Variants in RCOR1 observed in about 807,000 individuals in gnomAD.
RCOR1 encodes the protein REST corepressor 1.
RCOR1 carries 12 observed loss-of-function variants against 64.0 expected under a neutral mutation model. That is an observed-to-expected ratio of 0.19 (90% CI 0.12 to 0.30). The LOEUF (loss-of-function observed/expected upper bound fraction) is 0.30. RCOR1 is among the 10% of genes least tolerant of loss of function. The pLI is 1.00. For synonymous variants in RCOR1, 279 were observed against 227.2 expected, an observed-to-expected ratio of 1.23 and a Z score of -2.05; for missense variants, 502 against 621.2, an observed-to-expected ratio of 0.81 and a Z score of 2.04.
intron 3 of RCOR1, among the ~76,000 whole-genome samples, chr14:102,697,621 G>A (rs1023798485): frequency 4.0e-5 from 6 of 151,706 alleles, no homozygotes; most frequent in African/African-American, 1.5e-4. Flanking sequence ...AACCTTCCGA[G>A]CACCTAGTAG....
intron 2 of RCOR1, among the ~76,000 whole-genome samples, chr14:102,598,447 C>CT (rs34776749): frequency 0.32 from 41,058 of 127,256 alleles, 7,535 homozygotes; most frequent in Non-Finnish European, 0.4. Flanking sequence ...TGATTCAGTT[C>CT]TTTTTTTTTT....
rs182622135 is a variant in RCOR1 at position 102,687,927 on chromosome 14, A to G, written c.445+5949A>G. Among the ~76,000 whole-genome samples the G allele has an allele frequency of 7.4e-3, 1,118 of 151,866 alleles. 10 individuals are homozygous for G. Among genetic ancestry groups the G allele is most frequent in the African/African-American group, 0.026 (1,072 of 41,370 alleles). On this transcript the variant is annotated intron_variant, in intron 3 of 11. Transcript: ENST00000262241. The stretch of plus-strand genomic sequence containing the variant: ...GGAGTTTGCTGGCTGGACCAGGGGC[A>G]TAAGTGCACACTAGACAGAAGAAAT...
At chr14:102,714,716 A>C in intron 8 of RCOR1, 99 bp downstream of exon 8, 62 of 945,046 alleles carry the variant, frequency 6.6e-5, no homozygotes, top group East Asian at 1.0e-4. Context: ...CGCAAATCTC[A>C]AAGGAGCATT....
chr14:102,701,819 A>G (rs1200471016), intron 4 of RCOR1, among the ~76,000 whole-genome samples: 1 of 152,152 alleles, frequency 6.6e-6, no homozygotes, highest in East Asian at 1.9e-4. Flanking sequence ...CCGGGGTTCA[A>G]GTAGTTCTCG....
In RCOR1 at chr14:102,676,627, G is replaced by A. The variant is rs1339515687; in HGVS notation, c.362-5268G>A. 4.6e-4 allele frequency among the ~76,000 whole-genome samples: 27 copies of A among 58,318 alleles called. 1 individual carries two copies. Among genetic ancestry groups the A allele is most frequent in the Admixed American group, 1.4e-3 (9 of 6,244 alleles). 38.3% of individuals were successfully genotyped at this position (58,318 alleles called of 152,430 possible). A position where few individuals can be genotyped will look rare whatever the true frequency, so the allele number is the denominator to read the frequency against. On this transcript the variant is annotated intron_variant, in intron 2 of 11. Transcript: ENST00000262241. The stretch of plus-strand genomic sequence containing the variant: ...TCCCGGACGGGGCGGCTGGCCAGGT[G>A]GGGGGCTGATCCCCCCACCTCCCTC...
intron 2 of RCOR1, among the ~76,000 whole-genome samples, chr14:102,677,121 C>T (rs1410499704): frequency 7.3e-6 from 1 of 137,504 alleles, no homozygotes; most frequent in Non-Finnish European, 1.6e-5. Context: ...CGAGGAGCCC[C>T]TCACCTCCCG....
intron 2 of RCOR1, among the ~76,000 whole-genome samples, chr14:102,636,947 G>A (rs546811826): frequency 2.5e-4 from 38 of 151,844 alleles, no homozygotes; most frequent in South Asian, 2.1e-3. Context: ...CTCCAGCCTG[G>A]GTGACAAGAG....
chr14:102,634,507 A>G (rs1190073120), intron 2 of RCOR1, among the ~76,000 whole-genome samples: 2 of 152,018 alleles, frequency 1.3e-5, no homozygotes, highest in Admixed American at 1.3e-4. Context: ...CCCACTATCT[A>G]GGGACAGAAG....
chr14:102,616,300 T>C (rs1020242357), intron 2 of RCOR1, among the ~76,000 whole-genome samples: 5 of 151,470 alleles, frequency 3.3e-5, no homozygotes, highest in Admixed American at 1.3e-4. Context: ...TTAGGGTCTT[T>C]CCCCAGTTGC....
chr14:102,646,234 T>A (rs982583588), intron 2 of RCOR1, among the ~76,000 whole-genome samples: 20 of 152,168 alleles, frequency 1.3e-4, no homozygotes, highest in Non-Finnish European at 2.6e-4. Context: ...GTCTTGCCAT[T>A]AATAAGCACC....
chr14:102,674,261 A>G (rs892259393), intron 2 of RCOR1, among the ~76,000 whole-genome samples: 1 of 152,202 alleles, frequency 6.6e-6, no homozygotes, highest in Non-Finnish European at 1.5e-5. Flanking sequence ...GATGTTAACC[A>G]TATCTACTAA....
At chr14:102,680,187 CT>C (rs1279887859) in intron 2 of RCOR1, among the ~76,000 whole-genome samples, 1 of 151,060 alleles carries the variant, frequency 6.6e-6, no homozygotes, top group Non-Finnish European at 1.5e-5. Flanking sequence ...TTTTTTATTG[CT>C]GGTATATAGA....
At chr14:102,715,404 C>A (rs1287750748) in intron 8 of RCOR1, among the ~76,000 whole-genome samples, 1 of 150,906 alleles carries the variant, frequency 6.6e-6, no homozygotes, top group African/African-American at 2.4e-5. Context: ...GTTTTTGAGA[C>A]AGTGTCTTGT....
At chr14:102,704,662 C>T (rs1020609809) in intron 4 of RCOR1, among the ~76,000 whole-genome samples, 8 of 152,216 alleles carry the variant, frequency 5.3e-5, no homozygotes, top group Admixed American at 3.3e-4. Context: ...GAACTCCTGA[C>T]CTCGTGATCC....
intron 2 of RCOR1, among the ~76,000 whole-genome samples, chr14:102,637,544 G>A (rs143613405): frequency 1.1e-3 from 174 of 152,194 alleles, no homozygotes; most frequent in African/African-American, 3.9e-3. Context: ...TTGGCCTCCT[G>A]GGCTTAGGTG....
At chr14:102,647,414 T>G (rs1164727750) in intron 2 of RCOR1, among the ~76,000 whole-genome samples, 1 of 152,170 alleles carries the variant, frequency 6.6e-6, no homozygotes, top group East Asian at 1.9e-4. Context: ...CCTCCTGGGT[T>G]CAACCAGTTC....
intron 2 of RCOR1, chr14:102,657,643 G>C (rs1489291734): frequency 1.7e-6 from 1 of 574,842 alleles, no homozygotes; most frequent in East Asian, 1.5e-4. Flanking sequence ...TTCGAGACCA[G>C]CCTGGCTAAC....
At chr14:102,699,079 G>A (rs563156530) in intron 3 of RCOR1, among the ~76,000 whole-genome samples, 2 of 152,274 alleles carry the variant, frequency 1.3e-5, no homozygotes, top group South Asian at 4.1e-4. Flanking sequence ...TAGAGATGGG[G>A]TTTCACCATG....
At chr14:102,707,959 T>A (rs1895888037) in intron 5 of RCOR1, among the ~76,000 whole-genome samples, 1 of 139,352 alleles carries the variant, frequency 7.2e-6, no homozygotes. Flanking sequence ...CCGGCTAATT[T>A]TTTGTATCTT....
Sources: gnomAD v4.1 joint callset for allele counts (sites outside exome capture counted in the v4.1 genomes callset) on GRCh38, gnomAD v4.1.1 for gene constraint, MANE v1.5 for transcripts, NCBI Gene and HGNC (gene_info 2026-07-23, HGNC 2026-07-21) for gene names.